The following CFAP44 variants were observed in gnomAD, a reference collection of about 807,000 sequenced individuals.
CFAP44 encodes cilia- and flagella-associated protein 44.
In CFAP44, 134 loss-of-function variants were observed where a neutral mutation model predicts 216.2. That is an observed-to-expected ratio of 0.62 (90% confidence interval 0.54 to 0.72). CFAP44 has a LOEUF of 0.72. CFAP44 is among the 30% of genes least tolerant of loss of function. The probability of loss-of-function intolerance (pLI) is 0.00; values close to 1 mark genes in which losing one functional copy is unlikely to be tolerated. For missense variants in CFAP44, 2,035 were observed against 2,182.1 expected, an observed-to-expected ratio of 0.93 and a Z score of 1.34; for synonymous variants, 700 against 727.6, an observed-to-expected ratio of 0.96 and a Z score of 0.61.
intron 3 of CFAP44, chr3:113,426,592 A>G: frequency 3.9e-6 from 1 of 254,242 alleles, no homozygotes; most frequent in Non-Finnish European, 7.6e-6. Flanking sequence ...CCAGCCATGC[A>G]GAACTGTGAG....
intron 16 of CFAP44, among the ~76,000 whole-genome samples, 159 bp from the exon 17 acceptor site, chr3:113,379,710 A>T (rs1933454444): frequency 6.6e-6 from 1 of 152,348 alleles, no homozygotes; most frequent in South Asian, 2.1e-4. Flanking sequence ...TTTATCATTA[A>T]AACTTTTAAA....
chr3:113,358,706 C>A (rs773160379), intron 22 of CFAP44, 39 bp downstream of exon 22: 1 of 1,533,948 alleles, frequency 6.5e-7, no homozygotes, highest in African/African-American at 1.4e-5. Context: ...CACACATGTG[C>A]TCTCAAACAT....
intron 30 of CFAP44, 73 bp from the exon 31 acceptor site, chr3:113,305,225 C>T: frequency 7.0e-6 from 9 of 1,290,810 alleles, no homozygotes; most frequent in Non-Finnish European, 8.6e-6. Context: ...TGAATGAAGG[C>T]ATCTTGGGAG....
At position 113,319,523 on chromosome 3, in the gene CFAP44, CTCA is replaced by C. The variant is rs1332847129; in HGVS notation, c.4516+6919_4516+6921del. On this transcript the variant is annotated intron_variant, in intron 28 of 34. Transcript: ENST00000393845. ...ACATCCCACTGACAGCATTAGACAG[CTCA>C]TCAAGGCAGAAAACTAACAAAAAAA... 4.0e-5 allele frequency among the ~76,000 whole-genome samples: 6 copies of C among 150,862 alleles called. No individual in the cohort carries two copies. The East Asian group carries it at 1.2e-3, about 29-fold the overall frequency.
At position 113,326,479 on chromosome 3, in the gene CFAP44, T is replaced by C. The variant is rs1449388368; in HGVS notation, c.4482A>G (p.Lys1494=). 10 of 1,518,424 alleles carry C rather than the reference T, an allele frequency of 6.6e-6. No homozygotes were observed. The South Asian group carries it at 1.0e-4, about 15-fold the overall frequency. 94.1% of individuals were successfully genotyped at this position (1,518,424 alleles called of 1,614,324 possible). Residue 1494 remains lysine, a synonymous_variant, in exon 28 of 35, where the codon AAA becomes AAG. Transcript: ENST00000393845. Reference sequence around the variant, plus strand: ...CTTCAACTTCTTTTTTCTTTACCCGTTTAATCTTCTTCTTTAGGACCTTCA... The same window carrying C: ...CTTCAACTTCTTTTTTCTTTACCCGCTTAATCTTCTTCTTTAGGACCTTCA... ...FLMKVLKKKI[K]RVKKKEVEGD...
At chr3:113,435,858 CGTGT>C (rs59468932) in intron 1 of CFAP44, among the ~76,000 whole-genome samples, 9,468 of 147,702 alleles carry the variant, frequency 0.064, 949 homozygotes, top group African/African-American at 0.22. Flanking sequence ...AGTGTATGTA[CGTGT>C]GTGTGTGTGT....
chr3:113,348,458 G>A (rs1187330323), intron 22 of CFAP44, among the ~76,000 whole-genome samples: 1 of 152,110 alleles, frequency 6.6e-6, no homozygotes, highest in East Asian at 1.9e-4. Flanking sequence ...TCTGTAAGAG[G>A]GAAGGCAAAT....
intron 28 of CFAP44, among the ~76,000 whole-genome samples, chr3:113,321,880 T>C (rs1950148757): frequency 6.6e-6 from 1 of 152,092 alleles, no homozygotes; most frequent in African/African-American, 2.4e-5. Flanking sequence ...CAAAAATAAA[T>C]GGAAAAACAT....
At chr3:113,413,984 A>G (rs1250209756) in intron 6 of CFAP44, among the ~76,000 whole-genome samples, 1 of 152,182 alleles carries the variant, frequency 6.6e-6, no homozygotes, top group Non-Finnish European at 1.5e-5. Context: ...GATTCTTTCT[A>G]TCCATGAGCA....
intron 34 of CFAP44, among the ~76,000 whole-genome samples, 184 bp from the exon 35 acceptor site, chr3:113,291,932 G>C (rs181944961): frequency 6.6e-6 from 1 of 152,152 alleles, no homozygotes; most frequent in South Asian, 2.1e-4. Flanking sequence ...GTGCCTTTGG[G>C]CTAATAAACA....
chr3:113,352,884 G>A (rs565983363), intron 22 of CFAP44, among the ~76,000 whole-genome samples: 26 of 152,228 alleles, frequency 1.7e-4, no homozygotes, highest in African/African-American at 6.0e-4. Context: ...GTGTTATTTG[G>A]TACAACTTTA....
chr3:113,291,594 G>C lies in CFAP44; in HGVS notation c.5528C>G (p.Ser1843Cys), dbSNP rs376274792. 6 of 1,537,112 alleles carry C rather than the reference G, an allele frequency of 3.9e-6. No homozygotes were observed. The African/African-American group carries it at 8.2e-5, about 21-fold the overall frequency. Residue 1843 changes from serine (S) to cysteine (C), a missense_variant, in exon 35 of 35, where the codon TCT (serine) becomes TGT (cysteine). This residue lies in a region of CFAP44 where 1,883 missense variants were observed against 2,023.7 expected (regional missense o/e 0.93). Coordinates refer to ENST00000393845, the MANE Select transcript of CFAP44 (RefSeq NM_001164496.2). ...GGGCTGTATCTCTTTCTCTCGTGGA[G>C]ACTGAATGGGTGGGAGGATAAGACT... The part of the protein sequence containing the change: ...KGSLILPPIQ[S>C]PREKEIQPAD...
At chr3:113,440,094 G>C (rs530429212) in intron 1 of CFAP44, among the ~76,000 whole-genome samples, 1 of 152,152 alleles carries the variant, frequency 6.6e-6, no homozygotes, top group South Asian at 2.1e-4. Flanking sequence ...GATGGAGTCT[G>C]GCTCTGTCAC....
At chr3:113,354,205 G>C (rs1950473617) in intron 22 of CFAP44, among the ~76,000 whole-genome samples, 1 of 152,166 alleles carries the variant, frequency 6.6e-6, no homozygotes, top group Non-Finnish European at 1.5e-5. Context: ...GCTTGCGGAT[G>C]GGGACAGAGC....
intron 4 of CFAP44, among the ~76,000 whole-genome samples, chr3:113,423,697 T>C (rs1275960143): frequency 6.6e-6 from 1 of 152,234 alleles, no homozygotes; most frequent in East Asian, 1.9e-4. Context: ...ATGGTTTAAG[T>C]AATACTTTAT....
Position 113,330,280 on chromosome 3 carries a change from T to G in CFAP44, c.4004A>C (p.Asp1335Ala). 1.3e-6 allele frequency: 2 copies of G among 1,537,438 alleles called. No individual in the cohort carries two copies. Among genetic ancestry groups the G allele is most frequent in the Non-Finnish European group, 1.7e-6 (2 of 1,146,938 alleles). Residue 1335 changes from aspartate to alanine, a missense_variant, in exon 26 of 35, where the codon GAT (aspartate) becomes GCT (alanine). Transcript: ENST00000393845. ...RSSKASTFSL[D>A]IPKCLEFEKA... is the part of the protein sequence containing the mutation. ...TTCAAATTCCAAACACTTTGGTATA[T>G]CTAGGCTGAATGTTGATGCCTTTGA...
chr3:113,408,224 G>C (rs11928899), intron 7 of CFAP44, among the ~76,000 whole-genome samples: 1 of 152,228 alleles, frequency 6.6e-6, no homozygotes, highest in South Asian at 2.1e-4. Context: ...AGATTGTTAC[G>C]CAAATGCATG....
chr3:113,365,201 C>A (rs183727719), intron 19 of CFAP44, among the ~76,000 whole-genome samples: 1 of 152,242 alleles, frequency 6.6e-6, no homozygotes, highest in Admixed American at 6.5e-5. Flanking sequence ...TTCCCTCCTG[C>A]AATTCCTTTT....
At position 113,407,244 on chromosome 3, in the gene CFAP44, G is replaced by A. The variant is rs149622278; in HGVS notation, c.891-203C>T. ...GAATTCTGCAATGATCAAAACAGGCGAAAAATAAAATTTCCTGCTTTCATG... is the reference window on the plus strand; with the variant it reads ...GAATTCTGCAATGATCAAAACAGGCAAAAAATAAAATTTCCTGCTTTCATG... On this transcript the variant is annotated intron_variant, in intron 7 of 34. Transcript: ENST00000393845. Among the ~76,000 whole-genome samples, 698 of 152,214 alleles carry A rather than the reference G, an allele frequency of 4.6e-3. 6 individuals carry two copies. Among genetic ancestry groups the A allele is most frequent in the African/African-American group, 0.016 (668 of 41,516 alleles).
Sources: gnomAD v4.1 joint callset for allele counts (sites outside exome capture counted in the v4.1 genomes callset) on GRCh38, gnomAD v4.1.1 for gene constraint, gnomAD v4.1.1 regional missense constraint, MANE v1.5 for transcripts, NCBI Gene and HGNC (gene_info 2026-07-23, HGNC 2026-07-21) for gene names.